LY75: variants seen among roughly 807,000 people sequenced by gnomAD.
LY75 encodes C-type lectin domain family 13 member B.
In LY75, 185 loss-of-function variants were observed where a neutral mutation model predicts 231.7. The ratio of observed to expected loss-of-function variants is 0.80; its 90% CI spans 0.71 to 0.90. LY75 has a LOEUF of 0.90. LY75 is among the 40% of genes least tolerant of loss of function. LY75 has a pLI of 0.00. For synonymous variants in LY75, 668 were observed against 689.0 expected, an observed-to-expected ratio of 0.97 and a Z score of 0.48; for missense variants, 1,947 against 2,050.2, an observed-to-expected ratio of 0.95 and a Z score of 0.97.
chr2:159,894,207 A>G (rs973399965), intron 2 of LY75, 123 bp from the exon 3 acceptor site: 53 of 1,209,482 alleles, frequency 4.4e-5, no homozygotes, highest in Non-Finnish European at 5.9e-5. Context: ...GAGTGTAGGA[A>G]TTCAGAGCAT....
At chr2:159,847,795 C>A (rs1486037211) in intron 23 of LY75, among the ~76,000 whole-genome samples, 1 of 151,894 alleles carries the variant, frequency 6.6e-6, no homozygotes, top group Non-Finnish European at 1.5e-5. Context: ...GTAATCAGAG[C>A]TTTATATTAC....
intron 6 of LY75, among the ~76,000 whole-genome samples, chr2:159,883,952 T>C (rs758644848): frequency 3.3e-5 from 5 of 152,216 alleles, no homozygotes; most frequent in African/African-American, 4.8e-5. Flanking sequence ...TTCCCCTTGA[T>C]ATGGTTTGGC....
chr2:159,881,971 T>C (rs762719565), intron 7 of LY75, among the ~76,000 whole-genome samples, 153 bp downstream of exon 7: 4 of 152,160 alleles, frequency 2.6e-5, no homozygotes, highest in Non-Finnish European at 5.9e-5. Context: ...ACTAGACCAA[T>C]TGTAGAACAG....
intron 6 of LY75, among the ~76,000 whole-genome samples, chr2:159,882,559 C>T (rs1372324262): frequency 6.6e-6 from 1 of 152,114 alleles, no homozygotes; most frequent in African/African-American, 2.4e-5. Context: ...TGCTATATGG[C>T]TGAGCACAGA....
intron 25 of LY75, among the ~76,000 whole-genome samples, chr2:159,837,836 T>G (rs769205815): frequency 6.6e-6 from 1 of 152,194 alleles, no homozygotes; most frequent in Non-Finnish European, 1.5e-5. Context: ...CACTGAGGAC[T>G]TGGTCGCCTT....
At chr2:159,868,290 C>T (rs1016005025) in intron 13 of LY75, among the ~76,000 whole-genome samples, 2 of 152,062 alleles carry the variant, frequency 1.3e-5, no homozygotes, top group African/African-American at 4.8e-5. Flanking sequence ...TTTGTTTTTT[C>T]TCTGTGCTGT....
intron 27 of LY75, 62 bp from the exon 28 acceptor site, chr2:159,831,848 TAA>T: frequency 2.2e-6 from 3 of 1,380,288 alleles, no homozygotes; most frequent in Non-Finnish European, 3.0e-6. Context: ...TTCTATTTGA[TAA>T]GTTTAAAACA....
chr2:159,883,673 TAATC>T (rs1685503982), intron 6 of LY75, among the ~76,000 whole-genome samples: 2 of 152,212 alleles, frequency 1.3e-5, no homozygotes, highest in Admixed American at 6.5e-5. Context: ...GGTATTTACT[TAATC>T]TATCATCAAT....
chr2:159,868,597 T>G (rs1684920913), intron 13 of LY75, among the ~76,000 whole-genome samples: 1 of 152,190 alleles, frequency 6.6e-6, no homozygotes, highest in Non-Finnish European at 1.5e-5. Flanking sequence ...TCATAAAAAT[T>G]TCCTTTCATG....
At position 159,904,749 on chromosome 2, in the gene LY75, C is replaced by A; in HGVS notation, c.-67G>T. Reference sequence around the variant, plus strand: ...CGCGGCTCCCGCCCCGCCTGCTGAGCGCGGCCTGCCCCGCCCGCACCTCTG... The same window carrying A: ...CGCGGCTCCCGCCCCGCCTGCTGAGAGCGGCCTGCCCCGCCCGCACCTCTG... On this transcript the variant is annotated 5_prime_UTR_variant, in exon 1 of 35. Transcript: ENST00000263636. 1.5e-6 allele frequency: 2 copies of A among 1,338,934 alleles called. No homozygotes were observed. The highest frequency in any genetic ancestry group is 1.9e-6 in the Non-Finnish European group (2 of 1,044,724). The allele number at this position is 1,338,934 out of a possible 1,614,324, so 82.9% of individuals were successfully genotyped here.
Position 159,849,961 on chromosome 2 carries a change from G to T in LY75, c.3150+19C>A. 6.2e-7 allele frequency: 1 copy of T among 1,607,746 alleles called. No individual in the cohort carries two copies. The highest frequency in any genetic ancestry group is 8.5e-7 in the Non-Finnish European group (1 of 1,177,898). On this transcript the variant is annotated intron_variant, in intron 23 of 34. Coordinates refer to ENST00000263636, the MANE Select transcript of LY75 (RefSeq NM_002349.4). ...ATTTCACAGAGGTATGAAGAGTATT[G>T]GTTTTTAAAAAAACTTACATTTTCT...
intron 14 of LY75, among the ~76,000 whole-genome samples, chr2:159,863,894 C>A (rs1475494757): frequency 6.6e-6 from 1 of 152,090 alleles, no homozygotes; most frequent in African/African-American, 2.4e-5. Flanking sequence ...TTTACTGTAC[C>A]TTTTCTATGT....
intron 21 of LY75, 78 bp downstream of exon 21, chr2:159,852,123 G>A (rs1684417159): frequency 2.6e-6 from 4 of 1,547,372 alleles, no homozygotes; most frequent in African/African-American, 1.4e-5. Context: ...TGTCACTAAT[G>A]GGTTGCCATT....
chr2:159,831,732 A>G lies in LY75; in HGVS notation c.3896T>C (p.Leu1299Pro). The change falls in exon 28 of 35, where the codon CTT becomes CCT. Residue 1299 changes from leucine (L) to proline (P), a missense_variant. Coordinates refer to ENST00000263636, the MANE Select transcript of LY75 (RefSeq NM_002349.4). ...ATAATTGAAGTACAGCAGTTGCTCA[A>G]GAACAAAGTTATTCTCCTTTTCATC... ...IRDEKENNFV[L>P]EQLLYFNYMA... The G allele has an allele frequency of 6.2e-7, 1 of 1,612,882 alleles. No homozygotes were observed. The highest frequency in any genetic ancestry group is 8.5e-7 in the Non-Finnish European group (1 of 1,179,598).
chr2:159,864,182 G>C (rs1056640243), intron 14 of LY75, among the ~76,000 whole-genome samples: 1 of 152,156 alleles, frequency 6.6e-6, no homozygotes, highest in Non-Finnish European at 1.5e-5. Context: ...CTCTTATTCT[G>C]TGGGTTGTCT....
intron 16 of LY75, among the ~76,000 whole-genome samples, chr2:159,857,928 T>G (rs1684594484): frequency 6.6e-6 from 1 of 152,202 alleles, no homozygotes; most frequent in South Asian, 2.1e-4. Flanking sequence ...AGCAGTTTTA[T>G]AGTTCATTGA....
At chr2:159,841,170 A>G (rs1308993287) in intron 24 of LY75, among the ~76,000 whole-genome samples, 1 of 152,238 alleles carries the variant, frequency 6.6e-6, no homozygotes, top group Non-Finnish European at 1.5e-5. Context: ...TCAGAACAAC[A>G]TTCTGTTTCA....
intron 33 of LY75, chr2:159,807,759 T>C: frequency 3.2e-6 from 3 of 949,100 alleles, no homozygotes; most frequent in Non-Finnish European, 3.8e-6. Flanking sequence ...AAAATTCAAC[T>C]TTGCATAAAA....
At chr2:159,856,190 C>T (rs2125857645) in intron 16 of LY75, among the ~76,000 whole-genome samples, 1 of 152,200 alleles carries the variant, frequency 6.6e-6, no homozygotes, top group Admixed American at 6.5e-5. Flanking sequence ...TACAAGGTAT[C>T]AAGAAATACA....
Sources: allele counts gnomAD v4.1 joint callset (sites outside exome capture counted in the v4.1 genomes callset), GRCh38; gene constraint gnomAD v4.1.1; transcripts MANE v1.5; gene names NCBI Gene and HGNC (gene_info 2026-07-23, HGNC 2026-07-21).